The following SHROOM1 variants were observed in gnomAD, a reference collection of about 807,000 sequenced individuals.
The protein encoded by SHROOM1 is shroom family member 1.
A neutral mutation model predicts 64.2 loss-of-function variants in SHROOM1; 53 were observed. The observed-to-expected ratio is 0.83, with a 90% CI of 0.66 to 1.04. SHROOM1 has a LOEUF of 1.04. SHROOM1 is among the 50% of genes least tolerant of loss of function. The pLI is 0.00. For synonymous variants in SHROOM1, 490 were observed against 518.9 expected (o/e 0.94, Z 0.76); for missense variants, 1,179 against 1,163.2 (o/e 1.01, Z -0.20).
In SHROOM1 at chr5:132,824,149, T is replaced by C. The variant is rs1489381078; in HGVS notation, c.1512A>G (p.Pro504=). The change falls in exon 7 of 10, where the codon CCA becomes CCG. Residue 504 remains proline (P), a synonymous_variant. Coordinates refer to ENST00000378679, the MANE Select transcript of SHROOM1 (RefSeq NM_001172700.2). ...TGCCTGAAAGTCCCAAGGCATCAGC[T>C]GGGACAGGTTTGAGGAGGTCACTCT... is the stretch of plus-strand genomic sequence containing the variant. The part of the protein sequence containing the change: ...AAESDLLKPV[P]ADALGLSGND... 1 of 1,614,200 alleles carries C rather than the reference T, an allele frequency of 6.2e-7. No homozygotes were observed. The highest frequency in any genetic ancestry group is 8.5e-7 in the Non-Finnish European group (1 of 1,180,038).
Position 132,823,730 on chromosome 5 carries a change from C to A in SHROOM1, c.1846G>T (p.Ala616Ser). 1 of 1,606,640 alleles carries A rather than the reference C, an allele frequency of 6.2e-7. No homozygotes were observed. The highest frequency in any genetic ancestry group is 1.1e-5 in the South Asian group (1 of 90,176). Residue 616 changes from alanine (A) to serine (S), a missense_variant, in exon 8 of 10, where the codon GCT becomes TCT. Coordinates refer to ENST00000378679, the MANE Select transcript of SHROOM1 (RefSeq NM_001172700.2). The surrounding 1 kb of genome is among the most constrained non-coding windows in gnomAD (Gnocchi z 4.6). ...YQFSFTQLLP[A>S]PREETRLENP... ...TCAAGCCTTGTCTCCTCCCGAGGAGCCGGCAGGAGCTGGGTGAAGCTGAAC... is the reference window on the plus strand; with the variant it reads ...TCAAGCCTTGTCTCCTCCCGAGGAGACGGCAGGAGCTGGGTGAAGCTGAAC...
Position 132,825,692 on chromosome 5 carries a change from C to T in SHROOM1, c.449G>A (p.Arg150Gln). 1 of 1,346,210 alleles carries T rather than the reference C, an allele frequency of 7.4e-7. No individual in the cohort carries two copies. Among genetic ancestry groups the T allele is most frequent in the South Asian group, 2.0e-5 (1 of 49,126 alleles). The allele number at this position is 1,346,210 out of a possible 1,614,324, so 83.4% of individuals were successfully genotyped here. Residue 150 changes from arginine to glutamine, a missense_variant, in exon 4 of 10, where the codon CGG (arginine) becomes CAG (glutamine). Physicochemically the swap from Arg to Gln is conservative, Grantham distance 43 (BLOSUM62 1). Coordinates refer to ENST00000378679, the MANE Select transcript of SHROOM1 (RefSeq NM_001172700.2). The surrounding 1 kb of genome is among the most constrained non-coding windows in gnomAD (Gnocchi z 5.1). ...AYRQRLQGAQ[R>Q]RVLRETSFQR... Reference sequence around the variant, plus strand: ...GAACGACGTCTCCCGGAGCACTCGCCGCTGCGCGCCCTGAAGCCGCTGGCG... The same window carrying T: ...GAACGACGTCTCCCGGAGCACTCGCTGCTGCGCGCCCTGAAGCCGCTGGCG...
intron 6 of SHROOM1, 49 bp downstream of exon 6, chr5:132,824,566 G>C (rs1288906151): frequency 1.3e-5 from 21 of 1,565,422 alleles, no homozygotes; most frequent in Non-Finnish European, 1.7e-5. Context: ...TTTTGTAGAT[G>C]TGTGTGTCAG....
chr5:132,827,216 C>T (rs1439404752), intron 2 of SHROOM1, among the ~76,000 whole-genome samples: 1 of 152,212 alleles, frequency 6.6e-6, no homozygotes, highest in East Asian at 1.9e-4. Context: ...TGGCTTGCTT[C>T]TGATTCCCTC....
chr5:132,830,364 T>C lies in SHROOM1; in HGVS notation c.-501+230A>G, dbSNP rs1384845594. 4.6e-5 allele frequency: 45 copies of C among 984,172 alleles called. No homozygotes were observed. The highest frequency in any genetic ancestry group is 5.1e-5 in the Non-Finnish European group (42 of 829,670). The allele number at this position is 984,172 out of a possible 1,614,324, so 61.0% of individuals were successfully genotyped here. On this transcript the variant is annotated intron_variant, in intron 1 of 9. Transcript: ENST00000378679. The surrounding 1 kb of genome is among the most constrained non-coding windows in gnomAD (Gnocchi z 5.9). ...CGCCGCCAGCTTAGAGTGGGCCGCC[T>C]CTCCGCCCTGCAGCTCTGCAGCTGG...
rs1402894857 is a variant in SHROOM1, at chr5:132,822,147, TAAC to T, written c.*646_*648del. Reference sequence around the variant, plus strand: ...CTGCAGATGACACACACACTTCTCTTAACAATTTTTATTGAAGAAAAAATAGGC... The same window carrying T: ...CTGCAGATGACACACACACTTCTCTTAATTTTTATTGAAGAAAAAATAGGC... On this transcript the variant is annotated 3_prime_UTR_variant, in exon 10 of 10. Transcript: ENST00000378679. 6.6e-6 allele frequency: 1 copy of T among 152,158 alleles called. No homozygotes were observed. The highest frequency in any genetic ancestry group is 1.5e-5 in the Non-Finnish European group (1 of 68,076). The allele number at this position is 152,158 out of a possible 1,614,324, so 9.4% of individuals were successfully genotyped here. A position where few individuals can be genotyped will look rare whatever the true frequency, so the allele number is the denominator to read the frequency against.
chr5:132,829,603 T>A (rs753511235), intron 1 of SHROOM1: 10 of 985,184 alleles, frequency 1.0e-5, no homozygotes, highest in Non-Finnish European at 1.2e-5. Context: ...ACATCATACC[T>A]CCCTCAAGGC....
chr5:132,827,174 C>A (rs1758728982), intron 2 of SHROOM1, among the ~76,000 whole-genome samples: 1 of 152,226 alleles, frequency 6.6e-6, no homozygotes, highest in South Asian at 2.1e-4. Context: ...CTACAGTGTG[C>A]TGAGCTGACC....
chr5:132,822,900 C>A lies in SHROOM1; in HGVS notation c.2455G>T (p.Ala819Ser), dbSNP rs750474444. ...TGATGGCCAAGGTCGTCCCTGATGGCGTCCAGTTGGTCCTGAAGGAGGCGG... is the reference window on the plus strand; with the variant it reads ...TGATGGCCAAGGTCGTCCCTGATGGAGTCCAGTTGGTCCTGAAGGAGGCGG... The part of the protein sequence containing the change: ...RIRLLQDQLD[A>S]IRDDLGHHAP... Residue 819 changes from alanine to serine, a missense_variant, in exon 10 of 10, where the codon GCC (alanine) becomes TCC (serine). By Grantham distance (99) the Ala-to-Ser change is moderately conservative. Coordinates refer to ENST00000378679, the MANE Select transcript of SHROOM1 (RefSeq NM_001172700.2). 2.5e-6 allele frequency: 4 copies of A among 1,613,414 alleles called. No individual in the cohort carries two copies. Among genetic ancestry groups the A allele is most frequent in the Non-Finnish European group, 3.4e-6 (4 of 1,180,008 alleles).
In SHROOM1 at chr5:132,825,457, C is replaced by T. The variant is rs774177578; in HGVS notation, c.684G>A (p.Lys228=). Residue 228 remains lysine, a synonymous_variant, in exon 4 of 10, where the codon AAG becomes AAA. Transcript: ENST00000378679. This position sits in a 1 kb window ranked among gnomAD's most constrained non-coding sequence, Gnocchi z 5.1. Reference sequence around the variant, plus strand: ...CACCGCCCCGACCCACACGATCCAGCTTTCCTGGCTCTGAGAAGCACCACT... The same window carrying T: ...CACCGCCCCGACCCACACGATCCAGTTTTCCTGGCTCTGAGAAGCACCACT... ...QRKWCFSEPG[K]LDRVGRGGGP... is the part of the protein sequence containing the mutation. 2 of 1,576,768 alleles carry T rather than the reference C, an allele frequency of 1.3e-6. No homozygotes were observed. The highest frequency in any genetic ancestry group is 3.5e-5 in the Admixed American group (2 of 57,852).
chr5:132,825,818 T>C lies in SHROOM1; in HGVS notation c.323A>G (p.Asn108Ser). The C allele has an allele frequency of 8.0e-7, 1 of 1,256,654 alleles. No individual in the cohort carries two copies. The highest frequency in any genetic ancestry group is 1.0e-6 in the Non-Finnish European group (1 of 1,001,470). 77.8% of individuals were successfully genotyped at this position (1,256,654 alleles called of 1,614,324 possible). The change falls in exon 4 of 10, where the codon AAC (asparagine) becomes AGC (serine). Residue 108 changes from asparagine (N) to serine (S), a missense_variant. Transcript: ENST00000378679. This position sits in a 1 kb window ranked among gnomAD's most constrained non-coding sequence, Gnocchi z 5.1. The stretch of plus-strand genomic sequence containing the variant: ...GTACAGCAGCGGGGTGGCCTGCCTG[T>C]TCAGTGGTCCCGGGGTCCCCGGGAC... ...TEVPGTPGPL[N>S]RQATPLLYAL... is the part of the protein sequence containing the mutation.
At position 132,824,809 on chromosome 5, in the gene SHROOM1, C is replaced by A. The variant is rs779863720; in HGVS notation, c.1047G>T (p.Gln349His). Reference sequence around the variant, plus strand: ...CAGGATACATCACCGCAGCCTCTTTCTGAGGCAAGAACCTGGAGGCAGGGA... The same window carrying A: ...CAGGATACATCACCGCAGCCTCTTTATGAGGCAAGAACCTGGAGGCAGGGA... ...FQTKLSRFLP[Q>H]KEAAVMYPAE... Residue 349 changes from glutamine (Q) to histidine (H), a missense_variant, in exon 6 of 10, where the codon CAG becomes CAT. Transcript: ENST00000378679. 1 of 1,614,072 alleles carries A rather than the reference C, an allele frequency of 6.2e-7. No individual in the cohort carries two copies.
intron 2 of SHROOM1, 21 bp downstream of exon 2, chr5:132,827,440 C>A (rs1758738622): frequency 6.6e-6 from 1 of 152,274 alleles, no homozygotes; most frequent in African/African-American, 2.4e-5. Context: ...CATCGTGAAA[C>A]CCCATCTCTA....
In SHROOM1 at chr5:132,830,056, G is replaced by A. The variant is rs1006456040; in HGVS notation, c.-501+538C>T. On this transcript the variant is annotated intron_variant, in intron 1 of 9. Coordinates refer to ENST00000378679, the MANE Select transcript of SHROOM1 (RefSeq NM_001172700.2). The surrounding 1 kb of genome is among the most constrained non-coding windows in gnomAD (Gnocchi z 5.9). ...TGGGGTTCAATCTCTGGGAGCCGAG[G>A]CACGGGAGGGAGAGAGGCGCAGGCC... 2 of 985,204 alleles carry A rather than the reference G, an allele frequency of 2.0e-6. No homozygotes were observed. Among genetic ancestry groups the A allele is most frequent in the African/African-American group, 3.5e-5 (2 of 57,206 alleles). 61.0% of individuals were successfully genotyped at this position (985,204 alleles called of 1,614,324 possible). A position where few individuals can be genotyped will look rare whatever the true frequency, so the allele number is the denominator to read the frequency against.
chr5:132,825,406 C>T lies in SHROOM1; in HGVS notation c.735G>A (p.Glu245=). ...CAGGGAGGCCAGAGCTGGAGCAGGC[C>T]TCACCCAGGCATTCCCGCGCCGGCC... The part of the protein sequence containing the change: ...GGGPARECLG[E]ACSSSGLPGP... Residue 245 remains glutamate, a synonymous_variant, in exon 4 of 10, where the codon GAG becomes GAA. Transcript: ENST00000378679. This position sits in a 1 kb window ranked among gnomAD's most constrained non-coding sequence, Gnocchi z 5.1. The T allele has an allele frequency of 6.3e-7, 1 of 1,595,076 alleles. No homozygotes were observed. The highest frequency in any genetic ancestry group is 8.5e-7 in the Non-Finnish European group (1 of 1,177,642).
Position 132,823,165 on chromosome 5 carries a change from G to T in SHROOM1, c.2227-37C>A. On this transcript the variant is annotated intron_variant, in intron 9 of 9. Transcript: ENST00000378679. The surrounding 1 kb of genome is among the most constrained non-coding windows in gnomAD (Gnocchi z 4.6). ...GGAAGAGGCGCCGTGAGCCGGGTGA[G>T]GGCGCCGCCGCTCCCGGAATGGTTC... 3 of 1,543,222 alleles carry T rather than the reference G, an allele frequency of 1.9e-6. No individual in the cohort carries two copies. Among genetic ancestry groups the T allele is most frequent in the Non-Finnish European group, 2.6e-6 (3 of 1,153,994 alleles).
chr5:132,828,686 A>G (rs980209034), intron 1 of SHROOM1, among the ~76,000 whole-genome samples: 4 of 152,234 alleles, frequency 2.6e-5, no homozygotes, highest in Non-Finnish European at 5.9e-5. Flanking sequence ...GTGAGTTACT[A>G]TGTTAAAGGA....
chr5:132,822,758 GA>G lies in SHROOM1; in HGVS notation c.*37del, dbSNP rs1477411355. 6 of 1,524,662 alleles carry G rather than the reference GA, an allele frequency of 3.9e-6. No homozygotes were observed. In the African/African-American group the frequency reaches 6.9e-5, roughly 17 times the overall value. 94.4% of individuals were successfully genotyped at this position (1,524,662 alleles called of 1,614,324 possible). ...AGCATCACCCCACTTACGTGGGTGA[GA>G]GATAGGGGCGGTGCACCCCACCCTC... On this transcript the variant is annotated 3_prime_UTR_variant, in exon 10 of 10. Coordinates refer to ENST00000378679, the MANE Select transcript of SHROOM1 (RefSeq NM_001172700.2).
At position 132,825,968 on chromosome 5, in the gene SHROOM1, A is replaced by C; in HGVS notation, c.173T>G (p.Leu58Arg). ...QSPGTDLLPY[L>R]DWDYVRVVWG... ...AACCACACGCACGTAGTCCCAGTCT[A>C]GGTAAGGAAGGAGGTCTGTCCCCGG... is the stretch of plus-strand genomic sequence containing the variant. Residue 58 changes from leucine (L) to arginine (R), a missense_variant, in exon 4 of 10, where the codon CTA becomes CGA. Transcript: ENST00000378679. This position sits in a 1 kb window ranked among gnomAD's most constrained non-coding sequence, Gnocchi z 5.1. 6.7e-7 allele frequency: 1 copy of C among 1,492,794 alleles called. No homozygotes were observed. The highest frequency in any genetic ancestry group is 1.4e-5 in the African/African-American group (1 of 69,570). The allele number at this position is 1,492,794 out of a possible 1,614,324, so 92.5% of individuals were successfully genotyped here.
Sources: gnomAD v4.1 joint callset for allele counts (sites outside exome capture counted in the v4.1 genomes callset) on GRCh38, gnomAD v4.1.1 for gene constraint, Gnocchi (gnomAD v3.1) non-coding constraint, MANE v1.5 for transcripts, NCBI Gene and HGNC (gene_info 2026-07-23, HGNC 2026-07-21) for gene names.